The following COLEC10 variants were observed in gnomAD, a reference collection of about 807,000 sequenced individuals.
COLEC10 encodes collectin-10.
In COLEC10, 22 loss-of-function variants were observed where a neutral mutation model predicts 28.4. The observed-to-expected ratio is 0.78, with a 90% CI of 0.55 to 1.11. COLEC10 has a LOEUF of 1.11. Among genes scored for constraint, COLEC10 ranks in the 50% least tolerant of loss-of-function variants. COLEC10 has a pLI of 0.00. For synonymous variants in COLEC10, 125 were observed against 116.1 expected (o/e 1.08, Z -0.49); for missense variants, 361 against 344.1 (o/e 1.05, Z -0.39).
rs538779920 is a variant in COLEC10 at position 119,081,016 on chromosome 8, G to A, written c.149-8664G>A. Reference sequence around the variant, plus strand: ...TCCTTTTATTTTTAATCGGTCCCATGATGATACATTTTGTTTGTTTACAGT... The same window carrying A: ...TCCTTTTATTTTTAATCGGTCCCATAATGATACATTTTGTTTGTTTACAGT... On this transcript the variant is annotated intron_variant, in intron 1 of 5. Coordinates refer to ENST00000332843, the MANE Select transcript of COLEC10 (RefSeq NM_006438.5). Among the ~76,000 whole-genome samples the A allele has an allele frequency of 5.9e-5, 9 of 152,128 alleles. 1 individual carries two copies. The South Asian group carries it at 1.9e-3, about 32-fold the overall frequency.
the COLEC10 span, among the ~76,000 whole-genome samples, chr8:118,986,364 A>G: frequency 6.6e-6 from 1 of 152,180 alleles, no homozygotes; most frequent in African/African-American, 2.4e-5. Flanking sequence ...AGAGTTATAA[A>G]TTGAATTGAG....
chr8:118,980,609 T>C, the COLEC10 span, among the ~76,000 whole-genome samples: 1 of 152,164 alleles, frequency 6.6e-6, no homozygotes, highest in African/African-American at 2.4e-5. Context: ...TTGATTTTTT[T>C]AAATAAAATT....
intron 4 of COLEC10, 87 bp downstream of exon 4, chr8:119,102,488 A>C (rs1815856853): frequency 3.4e-6 from 4 of 1,177,342 alleles, no homozygotes; most frequent in Non-Finnish European, 3.7e-6. Context: ...AATGAAAAGC[A>C]AGAGTCCTTT....
At chr8:119,040,996 G>A (rs75939640) in intron 2 of COLEC10, among the ~76,000 whole-genome samples, 5,840 of 152,326 alleles carry the variant, frequency 0.038, 168 homozygotes, top group East Asian at 0.16. Flanking sequence ...GGCACATGGA[G>A]AATAATTAAT....
chr8:118,983,887 G>C, the COLEC10 span, among the ~76,000 whole-genome samples: 3 of 152,124 alleles, frequency 2.0e-5, no homozygotes, highest in Non-Finnish European at 4.4e-5. Context: ...CTGCTGGTGG[G>C]AATGTAAATT....
At chr8:118,993,265 A>C (rs1270829937), upstream of COLEC10, among the ~76,000 whole-genome samples, 1 of 152,036 alleles carries the variant, frequency 6.6e-6, no homozygotes, top group Non-Finnish European at 1.5e-5. Context: ...TTTTTTCCCA[A>C]GGCCTTTCTC....
chr8:118,973,095 G>A, the COLEC10 span, among the ~76,000 whole-genome samples: 1 of 151,932 alleles, frequency 6.6e-6, no homozygotes, highest in Non-Finnish European at 1.5e-5. Context: ...TTCAATTCAA[G>A]ATGAGATTTG....
In COLEC10 at chr8:119,107,464, A is replaced by G. The variant is rs983273998; in HGVS notation, c.*1273A>G. Reference sequence around the variant, plus strand: ...CACCCTATAAACTTCTACTCCAGTTATGGTTTCTGACATATGATTAGACTG... The same window carrying G: ...CACCCTATAAACTTCTACTCCAGTTGTGGTTTCTGACATATGATTAGACTG... On this transcript the variant is annotated 3_prime_UTR_variant, in exon 6 of 6. Transcript: ENST00000332843. Among the ~76,000 whole-genome samples the G allele has an allele frequency of 1.6e-4, 24 of 152,216 alleles. No homozygotes were observed. The highest frequency in any genetic ancestry group is 5.8e-4 in the African/African-American group (24 of 41,462).
At chr8:118,958,284 GA>G in the COLEC10 span, among the ~76,000 whole-genome samples, 3 of 152,214 alleles carry the variant, frequency 2.0e-5, no homozygotes, top group Non-Finnish European at 4.4e-5. Context: ...AGTGGAACTT[GA>G]AAACAGTTGA....
intron 1 of COLEC10, among the ~76,000 whole-genome samples, chr8:119,001,253 T>G (rs921966960): frequency 4.6e-5 from 7 of 152,120 alleles, no homozygotes; most frequent in African/African-American, 1.4e-4. Context: ...ATATCAACTC[T>G]GAAGATGGCA....
chr8:119,019,975 T>C (rs896907585), intron 2 of COLEC10, among the ~76,000 whole-genome samples: 3 of 152,214 alleles, frequency 2.0e-5, no homozygotes, highest in African/African-American at 7.2e-5. Flanking sequence ...GGGCATTTCA[T>C]TCACTTCTCA....
rs148539511 is a variant in COLEC10 at position 119,003,411 on chromosome 8, G to A, written n.123-6030G>A. On this transcript the variant is annotated intron_variant and non_coding_transcript_variant, in intron 1 of 6. Coordinates refer to the COLEC10 transcript ENST00000521788. ...CCAAATGGCATGATTGTTTAGAAAA[G>A]TTAAGAAGATGGACATCTATTTTTG... Among the ~76,000 whole-genome samples the A allele has an allele frequency of 9.3e-3, 1,412 of 152,214 alleles. 17 individuals carry two copies. The highest frequency in any genetic ancestry group is 0.03 in the African/African-American group (1,264 of 41,554).
At chr8:119,090,985 C>T (rs1157306347) in intron 2 of COLEC10, among the ~76,000 whole-genome samples, 164 bp from the exon 3 acceptor site, 1 of 152,116 alleles carries the variant, frequency 6.6e-6, no homozygotes, top group Non-Finnish European at 1.5e-5. Context: ...TTAATACATA[C>T]ATTATAAGTC....
At chr8:119,059,338 C>G (rs1485314) in intron 2 of COLEC10, among the ~76,000 whole-genome samples, 33,651 of 151,310 alleles carry the variant, frequency 0.22, 4,071 homozygotes, top group East Asian at 0.49. Flanking sequence ...ATAGTTTTAT[C>G]TTTTATATGT....
chr8:119,001,164 A>G (rs1185266111), intron 1 of COLEC10, among the ~76,000 whole-genome samples: 1 of 152,150 alleles, frequency 6.6e-6, no homozygotes, highest in Non-Finnish European at 1.5e-5. Flanking sequence ...GATGCTAATC[A>G]TTGCATTTTG....
At chr8:119,080,472 A>G (rs561005129) in intron 1 of COLEC10, among the ~76,000 whole-genome samples, 34 of 152,254 alleles carry the variant, frequency 2.2e-4, no homozygotes, top group African/African-American at 8.2e-4. Context: ...CCAAGGCAAC[A>G]ATTAGAAAAT....
intron 1 of COLEC10, among the ~76,000 whole-genome samples, chr8:118,997,917 C>T (rs1235647708): frequency 6.6e-6 from 1 of 152,072 alleles, no homozygotes; most frequent in Non-Finnish European, 1.5e-5. Context: ...TTAGTGTTAA[C>T]AAGTGGAAAC....
chr8:118,991,499 T>C (rs1032004377), upstream of COLEC10, among the ~76,000 whole-genome samples: 1 of 152,138 alleles, frequency 6.6e-6, no homozygotes, highest in Non-Finnish European at 1.5e-5. Flanking sequence ...AGAGGGAAAG[T>C]AATTGGTTTG....
At chr8:118,958,983 A>G in the COLEC10 span, among the ~76,000 whole-genome samples, 1 of 152,180 alleles carries the variant, frequency 6.6e-6, no homozygotes, top group Non-Finnish European at 1.5e-5. Context: ...TCATTCCAGA[A>G]TCTCAAAGAG....
Sources: allele counts gnomAD v4.1 joint callset (sites outside exome capture counted in the v4.1 genomes callset), GRCh38; gene constraint gnomAD v4.1.1; transcripts MANE v1.5; gene names NCBI Gene and HGNC (gene_info 2026-07-23, HGNC 2026-07-21).